Variants in ASTN2 observed in about 807,000 individuals in gnomAD.
ASTN2 encodes the protein astrotactin-2.
ASTN2 carries 54 observed loss-of-function variants against 139.8 expected under a neutral mutation model. The observed-to-expected ratio is 0.39, with a 90% CI of 0.31 to 0.48. ASTN2 has a LOEUF of 0.48. Ranked by LOEUF, ASTN2 falls within the 20% of genes least tolerant of loss-of-function variation. The pLI is 0.95. For synonymous variants in ASTN2, 756 were observed against 719.5 expected, an observed-to-expected ratio of 1.05 and a Z score of -0.81; for missense variants, 1,565 against 1,725.1, an observed-to-expected ratio of 0.91 and a Z score of 1.64.
At chr9:116,677,559 G>C (rs181812412) in intron 16 of ASTN2, among the ~76,000 whole-genome samples, 2 of 152,146 alleles carry the variant, frequency 1.3e-5, no homozygotes, top group Non-Finnish European at 2.9e-5. Context: ...TTGGATCAGA[G>C]AAGCATGCTA....
At chr9:116,498,972 G>C (rs1177559047) in intron 19 of ASTN2, among the ~76,000 whole-genome samples, 1 of 152,152 alleles carries the variant, frequency 6.6e-6, no homozygotes, top group African/African-American at 2.4e-5. Context: ...CCTGAGATTA[G>C]AGCTTCCATA....
In ASTN2 at chr9:116,609,326, C is replaced by CTATATA. The variant is rs549657082; in HGVS notation, c.3355+8997_3355+8998insTATATA. 3.6e-3 allele frequency among the ~76,000 whole-genome samples: 406 copies of CTATATA among 113,578 alleles called. 3 individuals carry two copies. The highest frequency in any genetic ancestry group is 9.9e-3 in the African/African-American group (307 of 30,924). 74.5% of individuals were successfully genotyped at this position (113,578 alleles called of 152,430 possible). On this transcript the variant is annotated intron_variant, in intron 19 of 22. Transcript: ENST00000313400. ...TCTCTCTCTCTCTCTCTCTCTCTCT[C>CTATATA]TCTATATATATATACACACACACAC...
intron 12 of ASTN2, among the ~76,000 whole-genome samples, chr9:116,819,166 C>G (rs1401414660): frequency 6.6e-6 from 1 of 152,144 alleles, no homozygotes; most frequent in Non-Finnish European, 1.5e-5. Flanking sequence ...TCCATTATTG[C>G]TGCTCCTGCT....
At chr9:116,707,948 A>G (rs1828038222) in intron 16 of ASTN2, among the ~76,000 whole-genome samples, 1 of 152,186 alleles carries the variant, frequency 6.6e-6, no homozygotes, top group African/African-American at 2.4e-5. Context: ...CCCCATAGCC[A>G]TAGCACCCAT....
At chr9:116,734,034 AAAAAAT>A (rs1231046044) in intron 13 of ASTN2, among the ~76,000 whole-genome samples, 3 of 152,166 alleles carry the variant, frequency 2.0e-5, no homozygotes, top group Admixed American at 1.3e-4. Context: ...CAAACCTTGG[AAAAAAT>A]AGATGTTTGT....
At chr9:116,690,720 A>G (rs1435549957) in intron 16 of ASTN2, among the ~76,000 whole-genome samples, 1 of 152,048 alleles carries the variant, frequency 6.6e-6, no homozygotes, top group Non-Finnish European at 1.5e-5. Flanking sequence ...TCTATTACTT[A>G]TTGGTTTTGA....
chr9:116,832,981 A>G (rs572306461), intron 11 of ASTN2, among the ~76,000 whole-genome samples: 262 of 117,922 alleles, frequency 2.2e-3, no homozygotes, highest in African/African-American at 9.0e-3. Context: ...ATTGACGTTT[A>G]TTCTTCTTTA....
chr9:116,533,853 T>C (rs1450335677), intron 19 of ASTN2, among the ~76,000 whole-genome samples: 1 of 152,218 alleles, frequency 6.6e-6, no homozygotes, highest in East Asian at 1.9e-4. Flanking sequence ...CAGGCTTTGG[T>C]ATCAGGATGA....
intron 2 of ASTN2, among the ~76,000 whole-genome samples, chr9:117,266,672 C>A (rs190014178): frequency 6.6e-6 from 1 of 152,284 alleles, no homozygotes; most frequent in East Asian, 1.9e-4. Context: ...TTTTCTCCTT[C>A]CTTTCATATT....
At chr9:117,281,364 T>C (rs1270799332) in intron 2 of ASTN2, among the ~76,000 whole-genome samples, 24 of 152,098 alleles carry the variant, frequency 1.6e-4, no homozygotes, top group Admixed American at 1.6e-3. Context: ...ATCTGTCTTG[T>C]CTCCAAAACC....
chr9:117,322,459 T>G (rs1309273192), intron 1 of ASTN2, among the ~76,000 whole-genome samples: 1 of 152,184 alleles, frequency 6.6e-6, no homozygotes, highest in East Asian at 1.9e-4. Flanking sequence ...TTACTCCACG[T>G]TTCTAGGGAG....
intron 16 of ASTN2, among the ~76,000 whole-genome samples, chr9:116,667,125 T>G (rs916070861): frequency 5.3e-5 from 8 of 151,756 alleles, no homozygotes; most frequent in Admixed American, 3.3e-4. Flanking sequence ...CTGGCTAATT[T>G]TTGTATTTTT....
At chr9:117,256,693 A>C (rs1033751387) in intron 2 of ASTN2, among the ~76,000 whole-genome samples, 1 of 152,210 alleles carries the variant, frequency 6.6e-6, no homozygotes, top group African/African-American at 2.4e-5. Flanking sequence ...GAAGAAATAA[A>C]GGAGGAAAAA....
At chr9:116,885,602 G>T (rs1261931970) in intron 10 of ASTN2, among the ~76,000 whole-genome samples, 5 of 152,162 alleles carry the variant, frequency 3.3e-5, no homozygotes, top group Non-Finnish European at 5.9e-5. Context: ...AGACGCAGAG[G>T]TTGCAGTGGG....
At chr9:116,895,934 G>C (rs1833868585) in intron 10 of ASTN2, among the ~76,000 whole-genome samples, 1 of 152,230 alleles carries the variant, frequency 6.6e-6, no homozygotes, top group African/African-American at 2.4e-5. Context: ...TAGTCAGACT[G>C]TGAGAAGACC....
At chr9:116,972,552 G>GTT (rs1336001637) in intron 10 of ASTN2, among the ~76,000 whole-genome samples, 6 of 152,044 alleles carry the variant, frequency 3.9e-5, no homozygotes, top group African/African-American at 1.4e-4. Context: ...TCCAACTTTA[G>GTT]TACATAACAC....
chr9:116,927,153 T>C (rs1436652038), intron 10 of ASTN2, among the ~76,000 whole-genome samples: 3 of 152,172 alleles, frequency 2.0e-5, no homozygotes, highest in Non-Finnish European at 4.4e-5. Flanking sequence ...CACTGAGGAA[T>C]GTATGTGGCA....
intron 22 of ASTN2, among the ~76,000 whole-genome samples, chr9:116,437,860 G>T (rs1376827972): frequency 6.6e-6 from 1 of 152,148 alleles, no homozygotes; most frequent in Non-Finnish European, 1.5e-5. Flanking sequence ...AAGGCCTTGC[G>T]CTGGACAGAG....
chr9:116,790,089 C>A (rs58872771), intron 13 of ASTN2, among the ~76,000 whole-genome samples: 323 of 152,056 alleles, frequency 2.1e-3, no homozygotes, highest in African/African-American at 7.3e-3. Context: ...CCACACCCAG[C>A]TAATTTTTGT....
Sources: gnomAD v4.1 joint callset for allele counts (sites outside exome capture counted in the v4.1 genomes callset) on GRCh38, gnomAD v4.1.1 for gene constraint, MANE v1.5 for transcripts, NCBI Gene and HGNC (gene_info 2026-07-23, HGNC 2026-07-21) for gene names.